C11orf87: variants seen among roughly 807,000 people sequenced by gnomAD.
C11orf87 encodes uncharacterized protein C11orf87.
C11orf87 carries 3 observed loss-of-function variants against 9.2 expected under a neutral mutation model. The ratio of observed to expected loss-of-function variants is 0.33; its 90% CI spans 0.15 to 0.84. The LOEUF is 0.84. Ranked by LOEUF, C11orf87 falls within the 40% of genes least tolerant of loss-of-function variation. The pLI, the probability that C11orf87 is intolerant of heterozygous loss-of-function variation, is 0.55. For missense variants in C11orf87, 256 were observed against 270.7 expected (o/e 0.95, Z 0.38); for synonymous variants, 124 against 124.6 (o/e 1.00, Z 0.03).
intron 1 of C11orf87, among the ~76,000 whole-genome samples, chr11:109,422,722 CTTT>C (rs772868114): frequency 2.7e-4 from 19 of 71,422 alleles, no homozygotes; most frequent in African/African-American, 7.6e-4. Context: ...GCTTCAGCTG[CTTT>C]TTTTTTTTTT....
In C11orf87 at chr11:109,428,104, G is replaced by A. The variant is rs1714693493; in HGVS notation, c.*3877G>A. ...ACTCAAATGTAGCAATGATAATAAAGTTATGACCATATCAATGTGGTCTAA... is the reference window on the plus strand; with the variant it reads ...ACTCAAATGTAGCAATGATAATAAAATTATGACCATATCAATGTGGTCTAA... On this transcript the variant is annotated 3_prime_UTR_variant, in exon 2 of 2. Coordinates refer to ENST00000327419, the MANE Select transcript of C11orf87 (RefSeq NM_207645.4). The A allele has an allele frequency of 6.6e-6, 1 of 152,028 alleles. No homozygotes were observed. The highest frequency in any genetic ancestry group is 1.5e-5 in the Non-Finnish European group (1 of 67,956). 9.4% of individuals were successfully genotyped at this position (152,028 alleles called of 1,614,324 possible). A position where few individuals can be genotyped will look rare whatever the true frequency, so the allele number is the denominator to read the frequency against.
rs1191989610 is a variant in C11orf87, at chr11:109,424,926, A to G, written c.*699A>G. 6.0e-6 allele frequency: 1 copy of G among 167,084 alleles called. No homozygotes were observed. Among genetic ancestry groups the G allele is most frequent in the Non-Finnish European group, 1.5e-5 (1 of 68,114 alleles). The allele number at this position is 167,084 out of a possible 1,614,324, so 10.4% of individuals were successfully genotyped here. Reference sequence around the variant, plus strand: ...TTAACCATTACATTTTCCAGGACAGAGCATTTAATTTACTTTTTAAAATGA... The same window carrying G: ...TTAACCATTACATTTTCCAGGACAGGGCATTTAATTTACTTTTTAAAATGA... On this transcript the variant is annotated 3_prime_UTR_variant, in exon 2 of 2. Transcript: ENST00000327419. The surrounding 1 kb of genome is among the most constrained non-coding windows in gnomAD (Gnocchi z 4.7).
Position 109,427,457 on chromosome 11 carries a change from C to G in C11orf87, c.*3230C>G, listed in dbSNP as rs959775452. The G allele has an allele frequency of 1.3e-5, 2 of 152,126 alleles. No individual in the cohort carries two copies. Among genetic ancestry groups the G allele is most frequent in the Admixed American group, 6.5e-5 (1 of 15,272 alleles). 9.4% of individuals were successfully genotyped at this position (152,126 alleles called of 1,614,324 possible). ...CACATATCCAAGCAATTTGTACAGA[C>G]CTTGTTTAAAGCACTGCTTCTTATA... is the stretch of plus-strand genomic sequence containing the variant. On this transcript the variant is annotated 3_prime_UTR_variant, in exon 2 of 2. Transcript: ENST00000327419.
In C11orf87 at chr11:109,425,651, CAA is replaced by C. The variant is rs1268554452; in HGVS notation, c.*1426_*1427del. The C allele has an allele frequency of 1.3e-5, 2 of 158,850 alleles. No homozygotes were observed. Among genetic ancestry groups the C allele is most frequent in the Non-Finnish European group, 2.9e-5 (2 of 68,040 alleles). The allele number at this position is 158,850 out of a possible 1,614,324, so 9.8% of individuals were successfully genotyped here. ...GAAAAAACACAACCACAGAAACAAA[CAA>C]ATAATGGATGTGCAAGAATGCCATC... is the stretch of plus-strand genomic sequence containing the variant. On this transcript the variant is annotated 3_prime_UTR_variant, in exon 2 of 2. Transcript: ENST00000327419.
In C11orf87 at chr11:109,423,457, C is replaced by G. The variant is rs1860522794; in HGVS notation, c.-177C>G. On this transcript the variant is annotated 5_prime_UTR_variant, in exon 2 of 2. Transcript: ENST00000327419. The surrounding 1 kb of genome is among the most constrained non-coding windows in gnomAD (Gnocchi z 5.3). ...GAGGATCTCTCGGGCGCCGCTCACT[C>G]CTTGGTCGCCTTGCTTGCCAGCAGT... The G allele has an allele frequency of 1.6e-6, 1 of 631,544 alleles. No individual in the cohort carries two copies. The highest frequency in any genetic ancestry group is 3.0e-5 in the Admixed American group (1 of 33,422). 39.1% of individuals were successfully genotyped at this position (631,544 alleles called of 1,614,324 possible).
At position 109,424,212 on chromosome 11, in the gene C11orf87, G is replaced by A; in HGVS notation, c.579G>A (p.Thr193=). The change falls in exon 2 of 2, where the codon ACG becomes ACA. Residue 193 remains threonine (T), a synonymous_variant. Transcript: ENST00000327419. The surrounding 1 kb of genome is among the most constrained non-coding windows in gnomAD (Gnocchi z 4.7). The part of the protein sequence containing the change: ...LDTAGEGLLQ[T]VVLS ...CAGCTGGCGAGGGCCTTTTGCAAAC[G>A]GTGGTACTGTCCTGATCGTCTAGCC... 8 of 1,613,912 alleles carry A rather than the reference G, an allele frequency of 5.0e-6. No homozygotes were observed. Among genetic ancestry groups the A allele is most frequent in the Non-Finnish European group, 6.8e-6 (8 of 1,179,834 alleles).
Position 109,423,643 on chromosome 11 carries a change from A to C in C11orf87, c.10A>C (p.Arg4=). ...TCCCAGCCCCGCGCCAATGAGTGCC[A>C]GGGCGCCGAAGGAGCTGAGGCTGGC... The part of the protein sequence containing the change: MSA[R]APKELRLALP... Residue 4 remains arginine, a synonymous_variant, in exon 2 of 2, where the codon AGG becomes CGG. Transcript: ENST00000327419. The surrounding 1 kb of genome is among the most constrained non-coding windows in gnomAD (Gnocchi z 5.3). 1 of 1,599,922 alleles carries C rather than the reference A, an allele frequency of 6.3e-7. No homozygotes were observed.
At chr11:109,422,766 A>T (rs1860510070) in intron 1 of C11orf87, among the ~76,000 whole-genome samples, 1 of 121,312 alleles carries the variant, frequency 8.2e-6, no homozygotes, top group African/African-American at 3.3e-5. Context: ...GGAGAATACC[A>T]GGGAAGAAGG....
rs982163159 is a variant in C11orf87, at chr11:109,425,727, A to T, written c.*1500A>T. On this transcript the variant is annotated 3_prime_UTR_variant, in exon 2 of 2. Transcript: ENST00000327419. ...AAACAGTGCCTGTAGTTCTCCCTGC[A>T]TGCAGTTACCACCTGGAGGCAGTGG... 1.0e-4 allele frequency: 16 copies of T among 152,602 alleles called. No homozygotes were observed. The highest frequency in any genetic ancestry group is 3.8e-4 in the African/African-American group (16 of 41,586). 9.5% of individuals were successfully genotyped at this position (152,602 alleles called of 1,614,324 possible).
Position 109,423,590 on chromosome 11 carries a change from A to G in C11orf87, c.-44A>G, listed in dbSNP as rs764662722. On this transcript the variant is annotated 5_prime_UTR_variant, in exon 2 of 2. Coordinates refer to ENST00000327419, the MANE Select transcript of C11orf87 (RefSeq NM_207645.4). The surrounding 1 kb of genome is among the most constrained non-coding windows in gnomAD (Gnocchi z 5.3). ...TTGGCTGGTAGGAACGGTGTGCCCA[A>G]GAGGGGAAGCCTAGTGGGCCTGGCC... 6.5e-7 allele frequency: 1 copy of G among 1,528,714 alleles called. No individual in the cohort carries two copies. Among genetic ancestry groups the G allele is most frequent in the South Asian group, 1.2e-5 (1 of 83,478 alleles). 94.7% of individuals were successfully genotyped at this position (1,528,714 alleles called of 1,614,324 possible). A position where few individuals can be genotyped will look rare whatever the true frequency, so the allele number is the denominator to read the frequency against.
Position 109,423,908 on chromosome 11 carries a change from G to A in C11orf87, c.275G>A (p.Arg92Gln), listed in dbSNP as rs758518689. ...FHIHKRRMKK[R>Q]KMQRAQEEYE... is the part of the protein sequence containing the mutation. ...ATCCACAAGCGTAGGATGAAGAAGC[G>A]GAAGATGCAGAGGGCTCAGGAGGAA... The change falls in exon 2 of 2, where the codon CGG (arginine) becomes CAG (glutamine). Residue 92 changes from arginine (R) to glutamine (Q), a missense_variant. Physicochemically the swap from Arg to Gln is conservative, Grantham distance 43 (BLOSUM62 1). Transcript: ENST00000327419. The surrounding 1 kb of genome is among the most constrained non-coding windows in gnomAD (Gnocchi z 5.3). 1.2e-6 allele frequency: 2 copies of A among 1,614,130 alleles called. No homozygotes were observed. The highest frequency in any genetic ancestry group is 1.7e-6 in the Non-Finnish European group (2 of 1,179,962).
chr11:109,423,576 G>T lies in C11orf87; in HGVS notation c.-58G>T. 1.3e-6 allele frequency: 2 copies of T among 1,488,818 alleles called. No individual in the cohort carries two copies. The highest frequency in any genetic ancestry group is 1.3e-5 in the South Asian group (1 of 79,354). 92.2% of individuals were successfully genotyped at this position (1,488,818 alleles called of 1,614,324 possible). On this transcript the variant is annotated 5_prime_UTR_variant, in exon 2 of 2. Transcript: ENST00000327419. The surrounding 1 kb of genome is among the most constrained non-coding windows in gnomAD (Gnocchi z 5.3). ...GCTCCGTCCTCTTCTTGGCTGGTAG[G>T]AACGGTGTGCCCAAGAGGGGAAGCC...
At position 109,423,669 on chromosome 11, in the gene C11orf87, G is replaced by T. The variant is rs1452867476; in HGVS notation, c.36G>T (p.Ala12=). 2 of 1,607,256 alleles carry T rather than the reference G, an allele frequency of 1.2e-6. No homozygotes were observed. The change falls in exon 2 of 2, where the codon GCG becomes GCT. Residue 12 remains alanine, a synonymous_variant. Transcript: ENST00000327419. The surrounding 1 kb of genome is among the most constrained non-coding windows in gnomAD (Gnocchi z 5.3). ...SARAPKELRL[A]LPPCLLNRTF... ...GGGCGCCGAAGGAGCTGAGGCTGGCGTTGCCGCCGTGTCTCCTCAACCGGA... is the reference window on the plus strand; with the variant it reads ...GGGCGCCGAAGGAGCTGAGGCTGGCTTTGCCGCCGTGTCTCCTCAACCGGA...
chr11:109,423,359 C>G lies in C11orf87; in HGVS notation c.-259-16C>G, dbSNP rs909370990. 1 of 536,076 alleles carries G rather than the reference C, an allele frequency of 1.9e-6. No individual in the cohort carries two copies. The highest frequency in any genetic ancestry group is 3.3e-6 in the Non-Finnish European group (1 of 305,066). 33.2% of individuals were successfully genotyped at this position (536,076 alleles called of 1,614,324 possible). ...GGCAGCGGCCGAGATTCTAACTAAG[C>G]TTTGTGTCTTTGCAGCCTGGTGCCT... On this transcript the variant is annotated splice_polypyrimidine_tract_variant and intron_variant, in intron 1 of 1. Coordinates refer to ENST00000327419, the MANE Select transcript of C11orf87 (RefSeq NM_207645.4). The surrounding 1 kb of genome is among the most constrained non-coding windows in gnomAD (Gnocchi z 5.3).
At position 109,424,363 on chromosome 11, in the gene C11orf87, C is replaced by T; in HGVS notation, c.*136C>T. The T allele has an allele frequency of 1.5e-6, 1 of 681,874 alleles. No homozygotes were observed. The highest frequency in any genetic ancestry group is 1.9e-5 in the South Asian group (1 of 51,592). The allele number at this position is 681,874 out of a possible 1,614,324, so 42.2% of individuals were successfully genotyped here. A position where few individuals can be genotyped will look rare whatever the true frequency, so the allele number is the denominator to read the frequency against. On this transcript the variant is annotated 3_prime_UTR_variant, in exon 2 of 2. Coordinates refer to ENST00000327419, the MANE Select transcript of C11orf87 (RefSeq NM_207645.4). This position sits in a 1 kb window ranked among gnomAD's most constrained non-coding sequence, Gnocchi z 4.7. ...GGTTTCCTTACCTGCCCTCCCCTTA[C>T]TCTTGTTTCTCCTCCGCCGAGGCAC...
At position 109,424,009 on chromosome 11, in the gene C11orf87, G is replaced by C; in HGVS notation, c.376G>C (p.Ala126Pro). Reference sequence around the variant, plus strand: ...ACCTGGCAGGCAGGCCCCAACCCACGCAAAGGAAACCCGGCTGGAGAGGCA... The same window carrying C: ...ACCTGGCAGGCAGGCCCCAACCCACCCAAAGGAAACCCGGCTGGAGAGGCA... ...PRPGRQAPTHAKETRLERQPR... is the reference protein window; with the variant it reads ...PRPGRQAPTHPKETRLERQPR... The change falls in exon 2 of 2, where the codon GCA becomes CCA. Residue 126 changes from alanine (A) to proline (P), a missense_variant. Physicochemically the swap from Ala to Pro is conservative, Grantham distance 27. Coordinates refer to ENST00000327419, the MANE Select transcript of C11orf87 (RefSeq NM_207645.4). The surrounding 1 kb of genome is among the most constrained non-coding windows in gnomAD (Gnocchi z 4.7). 1 of 1,613,906 alleles carries C rather than the reference G, an allele frequency of 6.2e-7. No individual in the cohort carries two copies. The highest frequency in any genetic ancestry group is 1.1e-5 in the South Asian group (1 of 91,066).
chr11:109,423,956 G>C lies in C11orf87; in HGVS notation c.323G>C (p.Gly108Ala), dbSNP rs761557924. 2 of 1,613,994 alleles carry C rather than the reference G, an allele frequency of 1.2e-6. No individual in the cohort carries two copies. The highest frequency in any genetic ancestry group is 1.7e-6 in the Non-Finnish European group (2 of 1,179,866). ...GAATATGAGCGGGATCACTGCAGCG[G>C]CAGCCGCGGTGGCGGGGGGCTGCCC... ...QEEYERDHCSGSRGGGGLPRP... is the reference protein window; with the variant it reads ...QEEYERDHCSASRGGGGLPRP... Residue 108 changes from glycine to alanine, a missense_variant, in exon 2 of 2, where the codon GGC becomes GCC. By Grantham distance (60) the Gly-to-Ala change is moderately conservative (BLOSUM62 0). Coordinates refer to ENST00000327419, the MANE Select transcript of C11orf87 (RefSeq NM_207645.4). This position sits in a 1 kb window ranked among gnomAD's most constrained non-coding sequence, Gnocchi z 5.3.
At chr11:109,422,854 G>T (rs1319169254) in intron 1 of C11orf87, among the ~76,000 whole-genome samples, 1 of 151,582 alleles carries the variant, frequency 6.6e-6, no homozygotes, top group Admixed American at 6.6e-5. Context: ...GGTGCCAGGG[G>T]TATCCCCCTG....
In C11orf87 at chr11:109,425,921, A is replaced by C. The variant is rs1860567138; in HGVS notation, c.*1694A>C. 6.6e-6 allele frequency: 1 copy of C among 152,248 alleles called. No homozygotes were observed. The highest frequency in any genetic ancestry group is 2.1e-4 in the South Asian group (1 of 4,834). 9.4% of individuals were successfully genotyped at this position (152,248 alleles called of 1,614,324 possible). A position where few individuals can be genotyped will look rare whatever the true frequency, so the allele number is the denominator to read the frequency against. ...TTAGTTACAAATCTGTGCCTGCAGC[A>C]AAAGAAAGGCTCTCTTTCTCAGTCT... On this transcript the variant is annotated 3_prime_UTR_variant, in exon 2 of 2. Coordinates refer to ENST00000327419, the MANE Select transcript of C11orf87 (RefSeq NM_207645.4).
Sources: allele counts gnomAD v4.1 joint callset (sites outside exome capture counted in the v4.1 genomes callset), GRCh38; gene constraint gnomAD v4.1.1; non-coding constraint Gnocchi (gnomAD v3.1); transcripts MANE v1.5; gene names NCBI Gene and HGNC (gene_info 2026-07-23, HGNC 2026-07-21).